The following VPS13B variants were observed in gnomAD, a reference collection of about 807,000 sequenced individuals.
VPS13B encodes intermembrane lipid transfer protein VPS13B.
In VPS13B, 285 loss-of-function variants were observed where a neutral mutation model predicts 426.4. That is an observed-to-expected ratio of 0.67 (90% confidence interval 0.61 to 0.74). The LOEUF is 0.74. VPS13B is among the 30% of genes least tolerant of loss of function. The probability of loss-of-function intolerance (pLI) is 0.00; values close to 1 mark genes in which losing one functional copy is unlikely to be tolerated. For missense variants in VPS13B, 4,537 were observed against 4,782.6 expected, an observed-to-expected ratio of 0.95 and a Z score of 1.51; for synonymous variants, 1,676 against 1,676.4, an observed-to-expected ratio of 1.00 and a Z score of 0.01.
At chr8:99,311,140 T>G (rs1297582044) in intron 19 of VPS13B, among the ~76,000 whole-genome samples, 3 of 152,210 alleles carry the variant, frequency 2.0e-5, no homozygotes, top group Admixed American at 2.0e-4. Flanking sequence ...TCGTTGATTT[T>G]TTGAAGGGTG....
At chr8:99,577,121 A>T (rs1295039008) in intron 32 of VPS13B, among the ~76,000 whole-genome samples, 1 of 152,140 alleles carries the variant, frequency 6.6e-6, no homozygotes, top group Non-Finnish European at 1.5e-5. Context: ...TGCTCAGTAA[A>T]TATTAGTTGG....
intron 39 of VPS13B, among the ~76,000 whole-genome samples, chr8:99,741,106 T>C (rs1461028611): frequency 1.3e-5 from 2 of 151,888 alleles, no homozygotes; most frequent in Non-Finnish European, 2.9e-5. Flanking sequence ...ACAGATAGGC[T>C]CAAAATAAAG....
intron 14 of VPS13B, among the ~76,000 whole-genome samples, chr8:99,150,911 G>T (rs1447944022): frequency 6.6e-6 from 1 of 152,180 alleles, no homozygotes; most frequent in Non-Finnish European, 1.5e-5. Context: ...GAGTGTGATT[G>T]ATGGATTGTA....
At position 99,272,333 on chromosome 8, in the gene VPS13B, C is replaced by G. The variant is rs372943430; in HGVS notation, c.2516-1865C>G. 3.9e-5 allele frequency among the ~76,000 whole-genome samples: 6 copies of G among 152,270 alleles called. No individual in the cohort carries two copies. In the South Asian group the frequency reaches 1.2e-3, roughly 32 times the overall value. Reference sequence around the variant, plus strand: ...TGTGTTAAACACCCTAGATCTTTCACATAGCAACTGTTGTCCTCTGGGCAA... The same window carrying G: ...TGTGTTAAACACCCTAGATCTTTCAGATAGCAACTGTTGTCCTCTGGGCAA... On this transcript the variant is annotated intron_variant, in intron 17 of 61. Coordinates refer to ENST00000357162, the MANE Select transcript of VPS13B (RefSeq NM_152564.5).
At chr8:99,176,846 G>T (rs906733985) in intron 16 of VPS13B, among the ~76,000 whole-genome samples, 2 of 152,142 alleles carry the variant, frequency 1.3e-5, no homozygotes, top group Admixed American at 6.5e-5. Context: ...GAAGATGAAG[G>T]ATCTGAAGGT....
intron 25 of VPS13B, among the ~76,000 whole-genome samples, chr8:99,495,242 T>A (rs1820823697): frequency 6.6e-6 from 1 of 152,230 alleles, no homozygotes; most frequent in African/African-American, 2.4e-5. Flanking sequence ...TAAATCACAT[T>A]TATTGTGGTA....
intron 36 of VPS13B, among the ~76,000 whole-genome samples, chr8:99,701,183 A>C (rs1319723312): frequency 6.6e-6 from 1 of 152,218 alleles, no homozygotes; most frequent in Non-Finnish European, 1.5e-5. Flanking sequence ...TAATTGTCTT[A>C]AAAGTTACAA....
intron 19 of VPS13B, among the ~76,000 whole-genome samples, chr8:99,280,788 A>G (rs1819133453): frequency 6.6e-6 from 1 of 152,226 alleles, no homozygotes; most frequent in African/African-American, 2.4e-5. Context: ...TTATTCTTAT[A>G]AATGACATGA....
rs1410430875 is a variant in VPS13B at position 99,288,508 on chromosome 8, A to G, written c.2824+13254A>G. Among the ~76,000 whole-genome samples the G allele has an allele frequency of 3.3e-5, 5 of 152,030 alleles. No individual in the cohort carries two copies. The East Asian group carries it at 9.6e-4, about 29-fold the overall frequency. ...TAATGAAATACAATTTCATTTTTAAAGAATATATATACCCTGAAAGTCACA... is the reference window on the plus strand; with the variant it reads ...TAATGAAATACAATTTCATTTTTAAGGAATATATATACCCTGAAAGTCACA... On this transcript the variant is annotated intron_variant, in intron 19 of 61. Transcript: ENST00000357162.
chr8:99,652,655 A>T (rs1281890381), intron 34 of VPS13B, among the ~76,000 whole-genome samples: 5 of 152,126 alleles, frequency 3.3e-5, no homozygotes. Flanking sequence ...CACCTCATAA[A>T]TCATATCTTG....
intron 39 of VPS13B, among the ~76,000 whole-genome samples, chr8:99,758,720 C>G (rs573535356): frequency 1.8e-4 from 28 of 152,284 alleles, no homozygotes; most frequent in African/African-American, 6.7e-4. Flanking sequence ...TGTACCTACT[C>G]TTACCAACCT....
rs375613057 is a variant in VPS13B, at chr8:99,720,401, T to C, written c.6714T>C (p.Asn2238=). 1.9e-6 allele frequency: 3 copies of C among 1,613,802 alleles called. No individual in the cohort carries two copies. The highest frequency in any genetic ancestry group is 1.1e-5 in the South Asian group (1 of 91,078). ...TAGTTCTTCTACATGAATTACTCAA[T>C]GGATACCTTAATGAGGAGGGAAATT... ...NCLVLLHELL[N]GYLNEEGNFE... Residue 2238 remains asparagine (N), a synonymous_variant, in exon 38 of 62, where the codon AAT becomes AAC. Coordinates refer to ENST00000357162, the MANE Select transcript of VPS13B (RefSeq NM_152564.5).
intron 44 of VPS13B, among the ~76,000 whole-genome samples, chr8:99,817,210 A>G (rs974309752): frequency 6.6e-6 from 1 of 151,586 alleles, no homozygotes; most frequent in Non-Finnish European, 1.5e-5. Context: ...TCTTTCAGGT[A>G]AACTATCTTC....
intron 39 of VPS13B, among the ~76,000 whole-genome samples, chr8:99,745,429 T>C (rs1378508464): frequency 3.3e-5 from 5 of 152,162 alleles, no homozygotes; most frequent in Non-Finnish European, 1.5e-5. Flanking sequence ...CAGTTTCATT[T>C]ACCCATAGGT....
intron 39 of VPS13B, among the ~76,000 whole-genome samples, chr8:99,724,807 AG>A (rs952458230): frequency 2.6e-5 from 4 of 152,120 alleles, no homozygotes; most frequent in African/African-American, 9.7e-5. Context: ...AAGTTTTTAG[AG>A]GAACAAATAG....
At position 99,111,255 on chromosome 8, in the gene VPS13B, T is replaced by C. The variant is rs1194240787; in HGVS notation, c.738T>C (p.Asn246=). ...TTCATTTTACATATGAAAACCTAAA[T>C]TCCAAGATGCCATCTGTTATTAAAG... ...TRLHFTYENL[N]SKMPSVIKIH... The change falls in exon 6 of 62, where the codon AAT becomes AAC. Residue 246 remains asparagine (N), a synonymous_variant. Coordinates refer to ENST00000357162, the MANE Select transcript of VPS13B (RefSeq NM_152564.5). 3 of 1,602,948 alleles carry C rather than the reference T, an allele frequency of 1.9e-6. No homozygotes were observed.
At chr8:99,299,231 T>G (rs1483662854) in intron 19 of VPS13B, among the ~76,000 whole-genome samples, 2 of 151,760 alleles carry the variant, frequency 1.3e-5, no homozygotes, top group African/African-American at 2.4e-5. Flanking sequence ...CCGGCTAATT[T>G]TTTGTATTTT....
chr8:99,062,266 A>G (rs1844230174), intron 3 of VPS13B, among the ~76,000 whole-genome samples: 1 of 152,220 alleles, frequency 6.6e-6, no homozygotes, highest in African/African-American at 2.4e-5. Flanking sequence ...ACAAATGCCA[A>G]TGCTACAAAA....
At chr8:99,696,323 G>C (rs1036508271) in intron 35 of VPS13B, 3 of 252,734 alleles carry the variant, frequency 1.2e-5, no homozygotes, top group African/African-American at 6.8e-5. Flanking sequence ...AAGTCGCTCG[G>C]GCAGAGGGAG....
Sources: gnomAD v4.1 joint callset for allele counts (sites outside exome capture counted in the v4.1 genomes callset) on GRCh38, gnomAD v4.1.1 for gene constraint, MANE v1.5 for transcripts, NCBI Gene and HGNC (gene_info 2026-07-23, HGNC 2026-07-21) for gene names.